ZNF343: variants seen among roughly 807,000 people sequenced by gnomAD.
ZNF343 encodes the protein zinc finger protein 343.
In ZNF343, 11 loss-of-function variants were observed where a neutral mutation model predicts 13.8. The observed-to-expected ratio is 0.80, with a 90% confidence interval of 0.50 to 1.32. The LOEUF is 1.32. Ranked by LOEUF, ZNF343 falls within the 40% of genes most tolerant of loss-of-function variation. The probability of loss-of-function intolerance (pLI) is 0.00; values close to 1 mark genes in which losing one functional copy is unlikely to be tolerated. For synonymous variants in ZNF343, 248 were observed against 260.0 expected (o/e 0.95, Z 0.44); for missense variants, 658 against 714.2 (o/e 0.92, Z 0.90).
chr20:2,505,987 C>T (rs2085649155), intron 1 of ZNF343, among the ~76,000 whole-genome samples: 1 of 152,108 alleles, frequency 6.6e-6, no homozygotes, highest in South Asian at 2.1e-4. Context: ...AAAGAAACTA[C>T]CATCAGAGTG....
intron 1 of ZNF343, among the ~76,000 whole-genome samples, chr20:2,517,063 G>A (rs1304153791): frequency 6.6e-6 from 1 of 152,176 alleles, no homozygotes; most frequent in African/African-American, 2.4e-5. Context: ...GTATATGAAA[G>A]TAAGCAGAAT....
chr20:2,519,530 C>T lies in ZNF343; in HGVS notation c.-347+4925G>A, dbSNP rs142474366. On this transcript the variant is annotated intron_variant, in intron 1 of 6. Transcript: ENST00000358413. ...CCATTGGCTCCCCTGGGGCTCCAGC[C>T]TGCCAGCCTCCATAATTGTGTGAAG... Among the ~76,000 whole-genome samples, 579 of 152,326 alleles carry T rather than the reference C, an allele frequency of 3.8e-3. 3 individuals carry two copies. Among genetic ancestry groups the T allele is most frequent in the African/African-American group, 0.013 (535 of 41,576 alleles).
chr20:2,497,142 G>A (rs183585410), intron 2 of ZNF343, among the ~76,000 whole-genome samples: 22 of 152,306 alleles, frequency 1.4e-4, no homozygotes, highest in African/African-American at 5.1e-4. Flanking sequence ...AATTTTGGGG[G>A]AGAAGAACAA....
At chr20:2,496,074 G>A (rs1188350580) in intron 2 of ZNF343, among the ~76,000 whole-genome samples, 1 of 152,042 alleles carries the variant, frequency 6.6e-6, no homozygotes, top group Admixed American at 6.5e-5. Context: ...GGGGTTTAGG[G>A]GCAAGGAGAT....
intron 5 of ZNF343, among the ~76,000 whole-genome samples, chr20:2,486,404 T>C (rs1600032155): frequency 6.6e-6 from 1 of 152,256 alleles, no homozygotes; most frequent in Admixed American, 6.5e-5. Flanking sequence ...TAATTCAGTA[T>C]ATATTTCTAA....
At chr20:2,493,224 A>T (rs1318379943) in intron 4 of ZNF343, among the ~76,000 whole-genome samples, 2 of 152,124 alleles carry the variant, frequency 1.3e-5, no homozygotes, top group Non-Finnish European at 2.9e-5. Flanking sequence ...GGCAGTAGGG[A>T]GTGGTAAAGA....
upstream of ZNF343, among the ~76,000 whole-genome samples, chr20:2,509,652 G>A (rs79050372): frequency 7.8e-3 from 1,187 of 152,272 alleles, 9 homozygotes; most frequent in Middle Eastern, 0.014. Flanking sequence ...GAGGCTGGAG[G>A]ATGGCTTGAG....
Position 2,484,589 on chromosome 20 carries a change from G to A in ZNF343, c.372C>T (p.Leu124=). ...GGAAGATCTGAAGTACATGTTGACT[G>A]AGGAACTGCTGACAGGAGAAGGCCA... ...CLLAFSCQQF[L]SQHVLQIFLG... The change falls in exon 6 of 6, where the codon CTC becomes CTT. Residue 124 remains leucine, a synonymous_variant. Transcript: ENST00000278772. 1 of 1,613,952 alleles carries A rather than the reference G, an allele frequency of 6.2e-7. No individual in the cohort carries two copies. The highest frequency in any genetic ancestry group is 8.5e-7 in the Non-Finnish European group (1 of 1,179,918).
chr20:2,522,718 G>A (rs990657545), intron 1 of ZNF343, among the ~76,000 whole-genome samples: 1 of 152,244 alleles, frequency 6.6e-6, no homozygotes, highest in African/African-American at 2.4e-5. Flanking sequence ...GGAGGCCAAG[G>A]CAGGTGGATA....
At position 2,484,217 on chromosome 20, in the gene ZNF343, C is replaced by T. The variant is rs528671879; in HGVS notation, c.744G>A (p.Pro248=). The T allele has an allele frequency of 7.9e-5, 127 of 1,614,176 alleles. No homozygotes were observed. Among genetic ancestry groups the T allele is most frequent in the Non-Finnish European group, 9.7e-5 (115 of 1,180,028 alleles). Residue 248 remains proline, a synonymous_variant, in exon 6 of 6, where the codon CCG becomes CCA. Coordinates refer to ENST00000278772, the MANE Select transcript of ZNF343 (RefSeq NM_024325.6). ...TAAAGTTTGATTCCAGGTTATGGTC[C>T]GGTTCATACTCTCTACAGTTGATTG... The part of the protein sequence containing the change: ...FGAINCREYE[P]DHNLESNFIT...
intron 5 of ZNF343, among the ~76,000 whole-genome samples, chr20:2,488,311 A>G (rs559888094): frequency 6.6e-6 from 1 of 151,820 alleles, no homozygotes; most frequent in Admixed American, 6.6e-5. Context: ...GGTGTGTGGT[A>G]TATGGTCCAA....
chr20:2,495,985 A>G (rs6083460), intron 2 of ZNF343, among the ~76,000 whole-genome samples: 65,176 of 152,070 alleles, frequency 0.43, 14,203 homozygotes, highest in Non-Finnish European at 0.46. Flanking sequence ...CGGCTACTAA[A>G]TGCAGTATTC....
At chr20:2,493,456 T>C (rs1315902871) in intron 4 of ZNF343, 63 bp downstream of exon 4, 26 of 1,431,252 alleles carry the variant, frequency 1.8e-5, no homozygotes, top group Non-Finnish European at 2.5e-5. Context: ...AGAGAATATA[T>C]GTCTATTCTC....
At chr20:2,523,452 CT>C (rs886163450) in intron 1 of ZNF343, among the ~76,000 whole-genome samples, 3 of 150,284 alleles carry the variant, frequency 2.0e-5, no homozygotes, top group Admixed American at 6.6e-5. Context: ...GAATTCTTTC[CT>C]TTTTTTTTCT....
intron 5 of ZNF343, among the ~76,000 whole-genome samples, chr20:2,486,029 T>C (rs2085275690): frequency 6.6e-6 from 1 of 152,252 alleles, no homozygotes; most frequent in Non-Finnish European, 1.5e-5. Flanking sequence ...TGGTACTTTG[T>C]GACGTGAACT....
At chr20:2,499,110 C>T (rs1213033282) in intron 2 of ZNF343, among the ~76,000 whole-genome samples, 3 of 148,314 alleles carry the variant, frequency 2.0e-5, no homozygotes, top group African/African-American at 7.4e-5. Context: ...CAGGCGTGAG[C>T]CACCGCATGT....
intron 2 of ZNF343, among the ~76,000 whole-genome samples, chr20:2,496,238 T>C (rs898141263): frequency 1.3e-5 from 2 of 152,192 alleles, no homozygotes; most frequent in Non-Finnish European, 2.9e-5. Flanking sequence ...TACTTGAGAT[T>C]TGAACAATGT....
At chr20:2,504,186 T>A (rs1379524228) in intron 1 of ZNF343, among the ~76,000 whole-genome samples, 1 of 152,160 alleles carries the variant, frequency 6.6e-6, no homozygotes, top group Non-Finnish European at 1.5e-5. Context: ...TAAACACCTC[T>A]ACGCAAATAA....
At chr20:2,492,249 C>T (rs1302702280) in intron 5 of ZNF343, among the ~76,000 whole-genome samples, 1 of 152,174 alleles carries the variant, frequency 6.6e-6, no homozygotes, top group Non-Finnish European at 1.5e-5. Flanking sequence ...GCTTCATATA[C>T]TGGGCAGGTA....
Sources: allele counts gnomAD v4.1 joint callset (sites outside exome capture counted in the v4.1 genomes callset), GRCh38; gene constraint gnomAD v4.1.1; transcripts MANE v1.5; gene names NCBI Gene and HGNC (gene_info 2026-07-23, HGNC 2026-07-21).